Variants in SNX25 observed in about 807,000 individuals in gnomAD.
The protein encoded by SNX25 is sorting nexin-25.
SNX25 carries 62 observed loss-of-function variants against 113.7 expected under a neutral mutation model. The ratio of observed to expected loss-of-function variants is 0.55; its 90% CI spans 0.44 to 0.67. SNX25 has a LOEUF of 0.67. Among genes scored for constraint, SNX25 ranks in the 30% least tolerant of loss-of-function variants. SNX25 has a pLI of 0.00. For missense variants in SNX25, 1,014 were observed against 1,161.0 expected, an observed-to-expected ratio of 0.87 and a Z score of 1.84; for synonymous variants, 421 against 436.2, an observed-to-expected ratio of 0.97 and a Z score of 0.43.
chr4:185,233,545 A>G (rs943012971), intron 1 of SNX25, among the ~76,000 whole-genome samples: 10 of 152,082 alleles, frequency 6.6e-5, no homozygotes, highest in Non-Finnish European at 1.0e-4. Flanking sequence ...AAATGCAAAA[A>G]TTATTGTCAG....
chr4:185,362,799 C>T (rs888543102), intron 18 of SNX25, 88 bp downstream of exon 18: 5 of 907,018 alleles, frequency 5.5e-6, no homozygotes, highest in Non-Finnish European at 8.8e-6. Flanking sequence ...CCAGTGGCTG[C>T]AGCACTCTCA....
At chr4:185,291,350 C>T (rs754320120) in intron 6 of SNX25, among the ~76,000 whole-genome samples, 3 of 152,146 alleles carry the variant, frequency 2.0e-5, no homozygotes, top group Non-Finnish European at 4.4e-5. Context: ...ATCCGTTAAA[C>T]AATAGCTCCA....
chr4:185,220,540 T>TG (rs1199876614), intron 1 of SNX25, among the ~76,000 whole-genome samples: 1 of 146,224 alleles, frequency 6.8e-6, no homozygotes, highest in Non-Finnish European at 1.5e-5. Flanking sequence ...TGGGGTGCAG[T>TG]GTGCGATCGC....
chr4:185,242,771 A>C (rs2126469685), intron 1 of SNX25, among the ~76,000 whole-genome samples: 1 of 152,300 alleles, frequency 6.6e-6, no homozygotes, highest in Middle Eastern at 3.4e-3. Flanking sequence ...TGAGAGTAGA[A>C]GGAGGGCAGA....
chr4:185,336,401 A>C (rs1397450668), intron 10 of SNX25, among the ~76,000 whole-genome samples: 1 of 152,168 alleles, frequency 6.6e-6, no homozygotes, highest in Non-Finnish European at 1.5e-5. Flanking sequence ...GCTCCCACTT[A>C]TGAGTGAGAA....
At chr4:185,361,192 A>G (rs80162454) in intron 16 of SNX25, among the ~76,000 whole-genome samples, 2,104 of 152,246 alleles carry the variant, frequency 0.014, 48 homozygotes, top group African/African-American at 0.048. Context: ...TAGCAACACT[A>G]AAAGACAGCT....
At chr4:185,208,190 C>A (rs568555351), upstream of SNX25, among the ~76,000 whole-genome samples, 11 of 152,042 alleles carry the variant, frequency 7.2e-5, no homozygotes, top group African/African-American at 2.7e-4. Flanking sequence ...CTCACTGCGA[C>A]CTCCACCTCC....
intron 5 of SNX25, among the ~76,000 whole-genome samples, chr4:185,268,771 T>C (rs1228116519): frequency 1.3e-5 from 2 of 152,214 alleles, no homozygotes; most frequent in South Asian, 2.1e-4. Context: ...TGTGTTCTTA[T>C]ACATGGTGTC....
intron 1 of SNX25, among the ~76,000 whole-genome samples, chr4:185,242,916 C>T (rs188377549): frequency 9.9e-4 from 151 of 152,288 alleles, no homozygotes; most frequent in African/African-American, 3.5e-3. Context: ...CACATAGTAA[C>T]CCAGTTATTT....
chr4:185,265,647 T>G (rs1266857017), intron 4 of SNX25, among the ~76,000 whole-genome samples: 1 of 152,236 alleles, frequency 6.6e-6, no homozygotes, highest in Non-Finnish European at 1.5e-5. Flanking sequence ...CTTCAATAAA[T>G]TAACCTTAGC....
In SNX25 at chr4:185,363,327, T is replaced by C; in HGVS notation, c.2935-58T>C. ...TTTCTCTTAGATGCAGATATTTATT[T>C]TGAATAAACCCTTGGAGAAAAACAT... On this transcript the variant is annotated intron_variant, in intron 18 of 18. Transcript: ENST00000652585. This position sits in a 1 kb window ranked among gnomAD's most constrained non-coding sequence, Gnocchi z 4.2. 6.5e-7 allele frequency: 1 copy of C among 1,549,246 alleles called. No homozygotes were observed. The highest frequency in any genetic ancestry group is 8.9e-7 in the Non-Finnish European group (1 of 1,128,356).
chr4:185,243,912 T>C (rs1255961201), intron 1 of SNX25, among the ~76,000 whole-genome samples: 2 of 152,218 alleles, frequency 1.3e-5, no homozygotes, highest in Admixed American at 6.5e-5. Flanking sequence ...AAGAATATGC[T>C]TCAGATATGC....
At position 185,210,166 on chromosome 4, in the gene SNX25, G is replaced by C; in HGVS notation, c.340G>C (p.Val114Leu). Residue 114 changes from valine (V) to leucine (L), a missense_variant, in exon 1 of 19, where the codon GTC becomes CTC. Val to Leu is a conservative substitution (Grantham distance 32). Coordinates refer to ENST00000652585, the MANE Select transcript of SNX25 (RefSeq NM_001378034.2). The surrounding 1 kb of genome is among the most constrained non-coding windows in gnomAD (Gnocchi z 4.4). Reference protein sequence around the residue: ...AFLLGILFALVCRSPRAQPPD... With the variant: ...AFLLGILFALLCRSPRAQPPD... ...CCTGCTGGGGATCCTGTTTGCCCTC[G>C]TCTGCCGGAGCCCGCGCGCCCAGCC... 7 of 984,384 alleles carry C rather than the reference G, an allele frequency of 7.1e-6. No individual in the cohort carries two copies. The highest frequency in any genetic ancestry group is 8.4e-6 in the Non-Finnish European group (7 of 829,788). The allele number at this position is 984,384 out of a possible 1,614,324, so 61.0% of individuals were successfully genotyped here. A position where few individuals can be genotyped will look rare whatever the true frequency, so the allele number is the denominator to read the frequency against.
chr4:185,310,859 T>G, intron 7 of SNX25, 43 bp downstream of exon 7: 1 of 1,532,356 alleles, frequency 6.5e-7, no homozygotes, highest in African/African-American at 1.4e-5. Flanking sequence ...CCAAGTTTAT[T>G]ATAAATGCTG....
At chr4:185,233,066 C>G (rs1742094917) in intron 1 of SNX25, among the ~76,000 whole-genome samples, 2 of 151,964 alleles carry the variant, frequency 1.3e-5, no homozygotes, top group South Asian at 4.2e-4. Flanking sequence ...GGTGGATCAC[C>G]TGAGGTCAGG....
At position 185,344,472 on chromosome 4, in the gene SNX25, G is replaced by A. The variant is rs573107640; in HGVS notation, c.2188-2065G>A. 7.2e-5 allele frequency among the ~76,000 whole-genome samples: 11 copies of A among 152,282 alleles called. No individual in the cohort carries two copies. The South Asian group carries it at 2.1e-3, about 29-fold the overall frequency. On this transcript the variant is annotated intron_variant, in intron 12 of 18. Coordinates refer to ENST00000652585, the MANE Select transcript of SNX25 (RefSeq NM_001378034.2). ...GGAAATAGATGACCAGATAAGGAGC[G>A]TGGTGTGCGCTTAACAAGCATGTGG...
chr4:185,231,152 G>A (rs765678069), intron 1 of SNX25, among the ~76,000 whole-genome samples: 9 of 149,692 alleles, frequency 6.0e-5, no homozygotes, highest in Non-Finnish European at 1.3e-4. Flanking sequence ...AGGCTGGAGT[G>A]CAGTGGCATG....
intron 11 of SNX25, among the ~76,000 whole-genome samples, chr4:185,369,406 G>C (rs1337244894): frequency 6.6e-6 from 1 of 151,562 alleles, no homozygotes; most frequent in African/African-American, 2.4e-5. Flanking sequence ...AGTAGAGACA[G>C]GATTATTTAG....
chr4:185,371,036 A>T (rs540840706), downstream of SNX25: 9 of 462,932 alleles, frequency 1.9e-5, no homozygotes, highest in South Asian at 3.4e-4. Context: ...AATTATGCTC[A>T]GCAGGCTCAA....
Sources: allele counts gnomAD v4.1 joint callset (sites outside exome capture counted in the v4.1 genomes callset), GRCh38; gene constraint gnomAD v4.1.1; non-coding constraint Gnocchi (gnomAD v3.1); transcripts MANE v1.5; gene names NCBI Gene and HGNC (gene_info 2026-07-23, HGNC 2026-07-21).